The following KCNK2 variants were observed in gnomAD, a reference collection of about 807,000 sequenced individuals.
KCNK2 encodes potassium channel subfamily K member 2.
A neutral mutation model predicts 40.5 loss-of-function variants in KCNK2; 21 were observed. The observed-to-expected ratio is 0.52, with a 90% confidence interval of 0.37 to 0.75. KCNK2 has a LOEUF of 0.75. Ranked by LOEUF, KCNK2 falls within the 30% of genes least tolerant of loss-of-function variation. The probability of loss-of-function intolerance (pLI) is 0.00; values close to 1 mark genes in which losing one functional copy is unlikely to be tolerated. For synonymous variants in KCNK2, 191 were observed against 202.2 expected (o/e 0.94, Z 0.47); for missense variants, 399 against 531.6 (o/e 0.75, Z 2.45).
chr1:215,139,567 T>G (rs1662080532), intron 3 of KCNK2, among the ~76,000 whole-genome samples: 1 of 152,146 alleles, frequency 6.6e-6, no homozygotes, highest in African/African-American at 2.4e-5. Context: ...GTGGATCACC[T>G]GAGATCAGCA....
intron 1 of KCNK2, among the ~76,000 whole-genome samples, chr1:215,060,862 G>A (rs1160640284): frequency 6.6e-6 from 1 of 152,016 alleles, no homozygotes; most frequent in Non-Finnish European, 1.5e-5. Context: ...AACTATTTAA[G>A]CTAAATATTA....
At position 215,194,993 on chromosome 1, in the gene KCNK2, C is replaced by G. The variant is rs565618538; in HGVS notation, c.864C>G (p.Val288=). Residue 288 remains valine (V), a synonymous_variant, in exon 6 of 7, where the codon GTC becomes GTG. Coordinates refer to ENST00000444842, the MANE Select transcript of KCNK2 (RefSeq NM_001017425.3). ...AATATCTGGACTTCTATAAGCCTGT[C>G]GTGTGGTTCTGGATCCTTGTAGGGC... ...DIEYLDFYKP[V]VWFWILVGLA... 2 of 1,613,162 alleles carry G rather than the reference C, an allele frequency of 1.2e-6. No homozygotes were observed. The highest frequency in any genetic ancestry group is 1.7e-6 in the Non-Finnish European group (2 of 1,179,500).
Position 215,083,194 on chromosome 1 carries a change from T to TGG in KCNK2, c.-192_-191insGG. ...CCCGCGATTTCGTTTCTTCTCACGC[T>TGG]CCCCCCCCCGCCCCCTCCCGCGTCC... is the stretch of plus-strand genomic sequence containing the variant. On this transcript the variant is annotated 5_prime_UTR_variant, in exon 1 of 7. Coordinates refer to ENST00000444842, the MANE Select transcript of KCNK2 (RefSeq NM_001017425.3). 4.0e-6 allele frequency: 2 copies of TGG among 501,814 alleles called. No individual in the cohort carries two copies. Among genetic ancestry groups the TGG allele is most frequent in the Non-Finnish European group, 6.6e-6 (2 of 301,554 alleles). 31.1% of individuals were successfully genotyped at this position (501,814 alleles called of 1,614,324 possible).
At chr1:215,006,326 T>C (rs1270101390) in intron 1 of KCNK2, among the ~76,000 whole-genome samples, 1 of 152,222 alleles carries the variant, frequency 6.6e-6, no homozygotes, top group Non-Finnish European at 1.5e-5. Flanking sequence ...AGTCCTGTCA[T>C]CAATTTGTTC....
intron 1 of KCNK2, among the ~76,000 whole-genome samples, chr1:215,019,552 A>G (rs927949975): frequency 7.2e-5 from 11 of 152,222 alleles, no homozygotes; most frequent in African/African-American, 2.7e-4. Flanking sequence ...GTTGTTAAAT[A>G]TTTAAAACTC....
chr1:215,186,297 G>C (rs1281583277), intron 5 of KCNK2, among the ~76,000 whole-genome samples: 1 of 152,036 alleles, frequency 6.6e-6, no homozygotes, highest in Non-Finnish European at 1.5e-5. Context: ...TGTAGTCCTA[G>C]CTATTTGGGA....
At chr1:215,034,827 T>C (rs1387576143) in intron 1 of KCNK2, among the ~76,000 whole-genome samples, 1 of 152,168 alleles carries the variant, frequency 6.6e-6, no homozygotes, top group East Asian at 1.9e-4. Context: ...TACTAACCCA[T>C]GTACATACAT....
intron 6 of KCNK2, 114 bp downstream of exon 6, chr1:215,195,206 T>G (rs968731787): frequency 2.3e-6 from 2 of 873,702 alleles, no homozygotes; most frequent in African/African-American, 1.7e-5. Flanking sequence ...ATGTTAATAT[T>G]TTCTATTTGG....
At chr1:215,184,671 TACTC>T (rs1571705713) in intron 5 of KCNK2, among the ~76,000 whole-genome samples, 1 of 152,266 alleles carries the variant, frequency 6.6e-6, no homozygotes, top group East Asian at 1.9e-4. Flanking sequence ...CATGAGAACT[TACTC>T]ACTATCATGA....
Position 215,234,869 on chromosome 1 carries a change from C to T in KCNK2, c.1005C>T (p.Asn335=), listed in dbSNP as rs766296960. 1.4e-5 allele frequency: 23 copies of T among 1,613,854 alleles called. No homozygotes were observed. Among genetic ancestry groups the T allele is most frequent in the East Asian group, 2.2e-5 (1 of 44,876 alleles). ...FRAHAAEWTA[N]VTAEFKETRR... ...CACACGCTGCTGAGTGGACAGCCAACGTCACAGCCGAATTCAAAGAAACCA... is the reference window on the plus strand; with the variant it reads ...CACACGCTGCTGAGTGGACAGCCAATGTCACAGCCGAATTCAAAGAAACCA... Residue 335 remains asparagine, a synonymous_variant, in exon 7 of 7, where the codon AAC becomes AAT. Coordinates refer to ENST00000444842, the MANE Select transcript of KCNK2 (RefSeq NM_001017425.3).
intron 1 of KCNK2, among the ~76,000 whole-genome samples, chr1:215,012,729 A>G (rs1222384805): frequency 6.8e-6 from 1 of 146,970 alleles, no homozygotes; most frequent in Non-Finnish European, 1.5e-5. Context: ...TTTTAACTGG[A>G]CATTTGCTTC....
intron 2 of KCNK2, among the ~76,000 whole-genome samples, chr1:215,115,987 G>C (rs1413324355): frequency 8.3e-5 from 12 of 145,434 alleles, no homozygotes; most frequent in African/African-American, 2.0e-4. Flanking sequence ...ACACCACTGT[G>C]CTCATTTCAT....
chr1:215,235,467 G>GT lies in KCNK2; in HGVS notation c.*323dup, dbSNP rs1241324153. The GT allele has an allele frequency of 4.1e-6, 1 of 242,396 alleles. No homozygotes were observed. Among genetic ancestry groups the GT allele is most frequent in the Non-Finnish European group, 8.1e-6 (1 of 123,786 alleles). 15.0% of individuals were successfully genotyped at this position (242,396 alleles called of 1,614,324 possible). A position where few individuals can be genotyped will look rare whatever the true frequency, so the allele number is the denominator to read the frequency against. ...TCAGAATGAATGAGAATTGTTTCTGGTAACAATGTAGCTTTGAGGGATCAG... is the reference window on the plus strand; with the variant it reads ...TCAGAATGAATGAGAATTGTTTCTGGTTAACAATGTAGCTTTGAGGGATCAG... On this transcript the variant is annotated 3_prime_UTR_variant, in exon 7 of 7. Coordinates refer to ENST00000444842, the MANE Select transcript of KCNK2 (RefSeq NM_001017425.3).
At chr1:215,166,193 A>G (rs1663436501) in intron 3 of KCNK2, among the ~76,000 whole-genome samples, 1 of 152,100 alleles carries the variant, frequency 6.6e-6, no homozygotes, top group Non-Finnish European at 1.5e-5. Flanking sequence ...GAAAATTTCC[A>G]TAGTGTGCTC....
intron 2 of KCNK2, among the ~76,000 whole-genome samples, chr1:215,109,373 C>G (rs910492018): frequency 3.9e-5 from 6 of 152,032 alleles, no homozygotes; most frequent in Non-Finnish European, 8.8e-5. Context: ...ACACACCCTT[C>G]CTAGTCTCTA....
At chr1:215,008,227 G>A (rs1403022753) in intron 1 of KCNK2, among the ~76,000 whole-genome samples, 1 of 151,856 alleles carries the variant, frequency 6.6e-6, no homozygotes, top group East Asian at 1.9e-4. Context: ...GAAACCTGTA[G>A]GTTTAGATCC....
intron 5 of KCNK2, among the ~76,000 whole-genome samples, chr1:215,183,368 A>G: frequency 6.6e-6 from 1 of 152,118 alleles, no homozygotes; most frequent in South Asian, 2.1e-4. Context: ...TACCCACTTA[A>G]TTTTCAAACT....
intron 5 of KCNK2, among the ~76,000 whole-genome samples, chr1:215,183,100 T>A (rs2102650748): frequency 6.6e-6 from 1 of 152,298 alleles, no homozygotes; most frequent in South Asian, 2.1e-4. Context: ...CCTTCTTGAA[T>A]TAAAGCTTAC....
intron 1 of KCNK2, among the ~76,000 whole-genome samples, chr1:215,076,668 C>G (rs533940995): frequency 1.3e-5 from 2 of 152,298 alleles, no homozygotes; most frequent in African/African-American, 2.4e-5. Flanking sequence ...GATATTCCAT[C>G]ACTTGTGCCA....
Sources: allele counts gnomAD v4.1 joint callset (sites outside exome capture counted in the v4.1 genomes callset), GRCh38; gene constraint gnomAD v4.1.1; transcripts MANE v1.5; gene names NCBI Gene and HGNC (gene_info 2026-07-23, HGNC 2026-07-21).